The following RYR2 variants were observed in gnomAD, a reference collection of about 807,000 sequenced individuals.
The protein encoded by RYR2 is cardiac muscle ryanodine receptor-calcium release channel.
In RYR2, 227 loss-of-function variants were observed where a neutral mutation model predicts 601.1. The observed-to-expected ratio is 0.38, with a 90% CI of 0.34 to 0.42. The LOEUF (loss-of-function observed/expected upper bound fraction) is 0.42, where lower values mean the gene tolerates loss of function less well. RYR2 is among the 10% of genes least tolerant of loss of function. The pLI is 1.00. For missense variants in RYR2, 4,646 were observed against 6,156.5 expected, an observed-to-expected ratio of 0.75 and a Z score of 8.21; for synonymous variants, 2,223 against 2,175.1, an observed-to-expected ratio of 1.02 and a Z score of -0.61.
chr1:237,626,259 A>G (rs1679633661), intron 40 of RYR2, among the ~76,000 whole-genome samples: 1 of 152,162 alleles, frequency 6.6e-6, no homozygotes, highest in African/African-American at 2.4e-5. Context: ...CTATTTCAGA[A>G]TAATAAGCAC....
chr1:237,445,704 T>C (rs1314911772), intron 14 of RYR2, among the ~76,000 whole-genome samples, 182 bp downstream of exon 14: 1 of 152,204 alleles, frequency 6.6e-6, no homozygotes. Flanking sequence ...AAATAAACTT[T>C]TAAAAAGAAT....
Position 237,167,773 on chromosome 1 carries a change from A to C in RYR2, c.49-102724A>C, listed in dbSNP as rs542675319. Among the ~76,000 whole-genome samples the C allele has an allele frequency of 3.8e-5, 5 of 132,274 alleles. No individual in the cohort carries two copies. In the East Asian group the frequency reaches 8.9e-4, roughly 24 times the overall value. The allele number at this position is 132,274 out of a possible 152,430, so 86.8% of individuals were successfully genotyped here. ...GGTCTTGCTGTGTCACCCAGGCTGG[A>C]CTGCAGTGGCTGTTTACAGATATGC... On this transcript the variant is annotated intron_variant, in intron 1 of 104. Coordinates refer to ENST00000366574, the MANE Select transcript of RYR2 (RefSeq NM_001035.3).
chr1:237,275,670 C>A (rs1690205961), intron 2 of RYR2, among the ~76,000 whole-genome samples: 1 of 151,942 alleles, frequency 6.6e-6, no homozygotes, highest in South Asian at 2.1e-4. Context: ...AAGTACAATG[C>A]TTAGCATAAT....
chr1:237,398,561 A>G (rs1271598772), intron 10 of RYR2, among the ~76,000 whole-genome samples: 2 of 152,206 alleles, frequency 1.3e-5, no homozygotes, highest in African/African-American at 4.8e-5. Flanking sequence ...ATGAGATAAC[A>G]CTGTATGCTT....
At chr1:237,210,509 G>T (rs535864673) in intron 1 of RYR2, among the ~76,000 whole-genome samples, 1 of 152,272 alleles carries the variant, frequency 6.6e-6, no homozygotes, top group East Asian at 1.9e-4. Flanking sequence ...CTCTGGGGTG[G>T]ATGTTGGACT....
Position 237,649,612 on chromosome 1 carries a change from T to C in RYR2, c.7513-265T>C, listed in dbSNP as rs544072217. On this transcript the variant is annotated intron_variant, in intron 49 of 104. Transcript: ENST00000366574. ...TGATCCTACCATTGATATTTAATGA[T>C]AGAGTCTGAACCTGTTAAGCTTTTT... is the stretch of plus-strand genomic sequence containing the variant. Among the ~76,000 whole-genome samples, 4 of 152,342 alleles carry C rather than the reference T, an allele frequency of 2.6e-5. No individual in the cohort carries two copies. The East Asian group carries it at 7.7e-4, about 29-fold the overall frequency.
intron 25 of RYR2, among the ~76,000 whole-genome samples, chr1:237,541,430 C>T (rs1391985870): frequency 1.3e-5 from 2 of 152,190 alleles, no homozygotes; most frequent in Non-Finnish European, 2.9e-5. Flanking sequence ...TCTCCCTCAA[C>T]GTCTTTAAAA....
At position 237,697,330 on chromosome 1, in the gene RYR2, G is replaced by A. The variant is rs998223914; in HGVS notation, c.9068-1635G>A. 6.4e-5 allele frequency among the ~76,000 whole-genome samples: 9 copies of A among 141,730 alleles called. No individual in the cohort carries two copies. In the East Asian group the frequency reaches 8.0e-4, roughly 13 times the overall value. 93.0% of individuals were successfully genotyped at this position (141,730 alleles called of 152,430 possible). A position where few individuals can be genotyped will look rare whatever the true frequency, so the allele number is the denominator to read the frequency against. On this transcript the variant is annotated intron_variant, in intron 63 of 104. Coordinates refer to ENST00000366574, the MANE Select transcript of RYR2 (RefSeq NM_001035.3). Reference sequence around the variant, plus strand: ...AGTTTCTGTAGGTGTGTGTGTGTGTGTATATATATATAGTATATATATATA... The same window carrying A: ...AGTTTCTGTAGGTGTGTGTGTGTGTATATATATATATAGTATATATATATA...
In RYR2 at chr1:237,614,174, A is replaced by C. The variant is rs3766870; in HGVS notation, c.5046A>C (p.Glu1682Asp). Residue 1682 changes from glutamate (E) to aspartate (D), a missense_variant, in exon 37 of 105, where the codon GAA (glutamate) becomes GAC (aspartate). Transcript: ENST00000366574. The surrounding 1 kb of genome is among the most constrained non-coding windows in gnomAD (Gnocchi z 4.3). ...VAHALCSHVD[E>D]PQLLYAIENK... ...ATGCCCTGTGCAGCCATGTGGATGA[A>C]CCTCAGCTCCTCTATGCCATTGAGA... 2.0e-5 allele frequency: 32 copies of C among 1,613,964 alleles called. No homozygotes were observed. The East Asian group carries it at 6.9e-4, about 35-fold the overall frequency.
intron 60 of RYR2, 94 bp from the exon 61 acceptor site, chr1:237,677,954 A>G: frequency 1.3e-6 from 1 of 791,410 alleles, no homozygotes. Flanking sequence ...GCGGGATAAT[A>G]CATTTAGCAA....
chr1:237,249,423 T>C (rs1400512784), intron 1 of RYR2, among the ~76,000 whole-genome samples: 1 of 130,376 alleles, frequency 7.7e-6, no homozygotes, highest in African/African-American at 2.6e-5. Flanking sequence ...TCCAAGTAGC[T>C]TGGATATGGA....
Position 237,088,470 on chromosome 1 carries a change from G to A in RYR2, c.48+45901G>A, listed in dbSNP as rs1235943947. ...GTATTGGATGCCTCCTGGAAGTTGT[G>A]TACTGGAATCAATGCTTTTCGCAAT... On this transcript the variant is annotated intron_variant, in intron 1 of 104. Coordinates refer to ENST00000366574, the MANE Select transcript of RYR2 (RefSeq NM_001035.3). Among the ~76,000 whole-genome samples, 5 of 152,144 alleles carry A rather than the reference G, an allele frequency of 3.3e-5. No individual in the cohort carries two copies. The South Asian group carries it at 1.0e-3, about 32-fold the overall frequency.
intron 3 of RYR2, among the ~76,000 whole-genome samples, chr1:237,338,389 A>G (rs148341066): frequency 6.6e-6 from 1 of 152,314 alleles, no homozygotes; most frequent in East Asian, 1.9e-4. Flanking sequence ...AGTTAATCAC[A>G]TGATTTAGAA....
rs918044590 is a variant in RYR2, at chr1:237,059,119, G to C, written c.48+16550G>C. ...CCATAAATGACACCAGTTTCATGCA[G>C]TCACACAGTAGGGAGGGAACAGAGA... On this transcript the variant is annotated intron_variant, in intron 1 of 104. Transcript: ENST00000366574. Among the ~76,000 whole-genome samples the C allele has an allele frequency of 2.6e-5, 4 of 152,112 alleles. No homozygotes were observed. The East Asian group carries it at 7.7e-4, about 29-fold the overall frequency.
chr1:237,248,101 G>A (rs181717624), intron 1 of RYR2, among the ~76,000 whole-genome samples: 3 of 152,108 alleles, frequency 2.0e-5, no homozygotes, highest in East Asian at 3.9e-4. Flanking sequence ...GTGAAACCCT[G>A]TCTCTACTAA....
intron 1 of RYR2, among the ~76,000 whole-genome samples, chr1:237,204,129 G>A (rs893192802): frequency 6.6e-6 from 1 of 152,180 alleles, no homozygotes; most frequent in Non-Finnish European, 1.5e-5. Flanking sequence ...TCCTGCCTCA[G>A]CCTCCCGAGT....
At chr1:237,395,002 C>T (rs1030435971) in intron 10 of RYR2, among the ~76,000 whole-genome samples, 9 of 152,246 alleles carry the variant, frequency 5.9e-5, no homozygotes, top group African/African-American at 2.2e-4. Context: ...AACCAGATCT[C>T]GTGAGAACTC....
In RYR2 at chr1:237,548,507, A is replaced by G. The variant is rs1670053754; in HGVS notation, c.2983A>G (p.Met995Val). The change falls in exon 26 of 105, where the codon ATG (methionine) becomes GTG (valine). Residue 995 changes from methionine (M) to valine (V), a missense_variant. Physicochemically the swap from Met to Val is conservative, Grantham distance 21 (BLOSUM62 1). Coordinates refer to ENST00000366574, the MANE Select transcript of RYR2 (RefSeq NM_001035.3). ...FIKLTPSQEA[M>V]VDKLAENAHN... The stretch of plus-strand genomic sequence containing the variant: ...CAAACTCACCCCATCACAAGAAGCA[A>G]TGGTGGACAAGTTGGCAGAAAATGC... 1.2e-6 allele frequency: 2 copies of G among 1,614,026 alleles called. No homozygotes were observed. The highest frequency in any genetic ancestry group is 1.7e-6 in the Non-Finnish European group (2 of 1,179,894).
At chr1:237,146,601 T>C (rs985437172) in intron 1 of RYR2, among the ~76,000 whole-genome samples, 3 of 152,238 alleles carry the variant, frequency 2.0e-5, no homozygotes, top group Admixed American at 6.5e-5. Context: ...ATTGTGACAA[T>C]GTAAACCTTT....
Sources: allele counts gnomAD v4.1 joint callset (sites outside exome capture counted in the v4.1 genomes callset), GRCh38; gene constraint gnomAD v4.1.1; non-coding constraint Gnocchi (gnomAD v3.1); transcripts MANE v1.5; gene names NCBI Gene and HGNC (gene_info 2026-07-23, HGNC 2026-07-21).